The following SHANK2 variants were observed in gnomAD, a reference collection of about 807,000 sequenced individuals.
The protein encoded by SHANK2 is SH3 and multiple ankyrin repeat domains protein 2.
In SHANK2, 43 loss-of-function variants were observed where a neutral mutation model predicts 133.7. That is an observed-to-expected ratio of 0.32 (90% CI 0.25 to 0.41). The LOEUF is 0.41. SHANK2 is among the 10% of genes least tolerant of loss of function. The pLI, the probability that SHANK2 is intolerant of heterozygous loss-of-function variation, is 1.00. For synonymous variants in SHANK2, 1,017 were observed against 952.8 expected (o/e 1.07, Z -1.24); for missense variants, 1,994 against 2,235.8 (o/e 0.89, Z 2.18).
chr11:71,152,709 A>C (rs1952821397), intron 2 of SHANK2, among the ~76,000 whole-genome samples: 1 of 152,182 alleles, frequency 6.6e-6, no homozygotes, highest in African/African-American at 2.4e-5. Context: ...GTGCAGAAGC[A>C]GGTGAGCAGA....
chr11:70,550,045 C>A (rs2059745550), intron 17 of SHANK2, among the ~76,000 whole-genome samples: 1 of 152,212 alleles, frequency 6.6e-6, no homozygotes, highest in African/African-American at 2.4e-5. Context: ...ACCGGCTTGG[C>A]CACCACCCCA....
chr11:70,718,396 C>T lies in SHANK2; in HGVS notation c.1778-19633G>A, dbSNP rs73527940. ...GCGCCTCGGTGGAGGTGGCCCTGGC[C>T]CAAGGCGTGCACTGTGCCTTCCTCT... On this transcript the variant is annotated intron_variant, in intron 14 of 25. Coordinates refer to ENST00000601538, the MANE Select transcript of SHANK2 (RefSeq NM_012309.5). Among the ~76,000 whole-genome samples the T allele has an allele frequency of 1.9e-3, 290 of 152,296 alleles. 1 individual carries two copies. The highest frequency in any genetic ancestry group is 6.8e-3 in the African/African-American group (282 of 41,570).
chr11:70,908,044 T>C, intron 10 of SHANK2: 1 of 393,054 alleles, frequency 2.5e-6, no homozygotes. Flanking sequence ...GAGGTTGCAG[T>C]GAGCCGGGAT....
chr11:70,723,016 T>C (rs1946102065), intron 14 of SHANK2, among the ~76,000 whole-genome samples: 1 of 152,204 alleles, frequency 6.6e-6, no homozygotes, highest in Non-Finnish European at 1.5e-5. Context: ...CTCATCTCCT[T>C]ACCTTTATGG....
intron 17 of SHANK2, among the ~76,000 whole-genome samples, chr11:70,658,666 AG>A (rs2061442232): frequency 6.6e-6 from 1 of 152,228 alleles, no homozygotes; most frequent in Non-Finnish European, 1.5e-5. Flanking sequence ...AATAGTCCTG[AG>A]GATCTCTAAG....
Position 70,468,523 on chromosome 11 carries a change from C to T in SHANK2, c.*4346G>A, listed in dbSNP as rs1335372990. On this transcript the variant is annotated 3_prime_UTR_variant, in exon 26 of 26. Transcript: ENST00000601538. ...TTGTCTACAAATACAGAAACACATT[C>T]CAGTTCGCCAGTTATTAAAATGCCT... is the stretch of plus-strand genomic sequence containing the variant. 1 of 152,198 alleles carries T rather than the reference C, an allele frequency of 6.6e-6. No homozygotes were observed. The highest frequency in any genetic ancestry group is 2.4e-5 in the African/African-American group (1 of 41,434). The allele number at this position is 152,198 out of a possible 1,614,324, so 9.4% of individuals were successfully genotyped here.
chr11:70,540,544 A>G (rs1469524847), intron 17 of SHANK2, among the ~76,000 whole-genome samples: 1 of 114,190 alleles, frequency 8.8e-6, no homozygotes, highest in Non-Finnish European at 1.7e-5. Context: ...CCGCAGCTTC[A>G]CGATTAGCGA....
intron 11 of SHANK2, among the ~76,000 whole-genome samples, chr11:70,885,020 C>A (rs1400185925): frequency 6.6e-6 from 1 of 152,140 alleles, no homozygotes; most frequent in Admixed American, 6.5e-5. Flanking sequence ...TGCGCCCAGC[C>A]AGGGGTCTTT....
At chr11:71,202,755 C>T (rs1239893907) in intron 2 of SHANK2, among the ~76,000 whole-genome samples, 1 of 152,194 alleles carries the variant, frequency 6.6e-6, no homozygotes, top group Non-Finnish European at 1.5e-5. Context: ...CCAAAGGGCA[C>T]AGCAAGGCTG....
intron 17 of SHANK2, among the ~76,000 whole-genome samples, chr11:70,571,809 G>A (rs1178759327): frequency 6.6e-6 from 1 of 152,102 alleles, no homozygotes; most frequent in Non-Finnish European, 1.5e-5. Flanking sequence ...GGGGCCCCAA[G>A]GAGGAGTGGA....
rs144380418 is a variant in SHANK2 at position 70,490,863 on chromosome 11, C to A, written c.2440-476G>T. Among the ~76,000 whole-genome samples, 327 of 152,334 alleles carry A rather than the reference C, an allele frequency of 2.1e-3. 1 individual carries two copies. Among genetic ancestry groups the A allele is most frequent in the Non-Finnish European group, 3.3e-3 (227 of 68,032 alleles). On this transcript the variant is annotated intron_variant, in intron 22 of 25. Transcript: ENST00000601538. ...CTTTCATAAAATGGGCTCCTGACAC[C>A]AGCCCCACAGTGTGTGCAAAGGCCA...
intron 11 of SHANK2, among the ~76,000 whole-genome samples, chr11:70,848,984 C>A (rs569124079): frequency 6.6e-6 from 1 of 152,240 alleles, no homozygotes; most frequent in South Asian, 2.1e-4. Context: ...AGGCTTGATG[C>A]TGCGTGAATG....
chr11:70,821,806 G>A (rs535064928), intron 11 of SHANK2, among the ~76,000 whole-genome samples: 98 of 152,316 alleles, frequency 6.4e-4, no homozygotes, highest in African/African-American at 2.3e-3. Context: ...CTGGCTGGAT[G>A]ATTCAATCTC....
intron 11 of SHANK2, among the ~76,000 whole-genome samples, chr11:70,833,117 A>G (rs924716260): frequency 2.6e-5 from 4 of 152,248 alleles, no homozygotes; most frequent in African/African-American, 9.6e-5. Flanking sequence ...CCCATCAGAC[A>G]CATGGGCCAG....
intron 3 of SHANK2, among the ~76,000 whole-genome samples, chr11:71,132,227 G>A (rs1273456363): frequency 1.3e-5 from 2 of 152,158 alleles, no homozygotes; most frequent in Admixed American, 6.5e-5. Flanking sequence ...TGGAGGAATC[G>A]CCCAGGTCCA....
At chr11:70,729,067 G>A (rs1946229299) in intron 14 of SHANK2, among the ~76,000 whole-genome samples, 1 of 152,102 alleles carries the variant, frequency 6.6e-6, no homozygotes, top group Admixed American at 6.6e-5. Context: ...AGCTGGGTGT[G>A]GTGGCGGGTG....
Position 70,470,359 on chromosome 11 carries a change from A to G in SHANK2, c.*2510T>C, listed in dbSNP as rs1398972094. The stretch of plus-strand genomic sequence containing the variant: ...GGCTTGGAGTATCTTTAAGAAAGGG[A>G]ATAACATCTGGCCCTCACCAACTGG... On this transcript the variant is annotated 3_prime_UTR_variant, in exon 26 of 26. Coordinates refer to ENST00000601538, the MANE Select transcript of SHANK2 (RefSeq NM_012309.5). 1.3e-5 allele frequency: 2 copies of G among 152,220 alleles called. No individual in the cohort carries two copies. Among genetic ancestry groups the G allele is most frequent in the African/African-American group, 4.8e-5 (2 of 41,434 alleles). The allele number at this position is 152,220 out of a possible 1,614,324, so 9.4% of individuals were successfully genotyped here. A position where few individuals can be genotyped will look rare whatever the true frequency, so the allele number is the denominator to read the frequency against.
intron 17 of SHANK2, among the ~76,000 whole-genome samples, chr11:70,539,200 C>T (rs1020157338): frequency 4.6e-5 from 7 of 152,138 alleles, no homozygotes; most frequent in Non-Finnish European, 7.3e-5. Context: ...CGTGCACGGC[C>T]GACCCCAGGA....
At chr11:70,863,556 G>A in intron 11 of SHANK2, 1 of 458,024 alleles carries the variant, frequency 2.2e-6, no homozygotes, top group Non-Finnish European at 4.4e-6. Context: ...CTGGATCCCA[G>A]TGAAGGTACA....
Sources: gnomAD v4.1 joint callset for allele counts (sites outside exome capture counted in the v4.1 genomes callset) on GRCh38, gnomAD v4.1.1 for gene constraint, MANE v1.5 for transcripts, NCBI Gene and HGNC (gene_info 2026-07-23, HGNC 2026-07-21) for gene names.